Variants in NALCN observed in about 807,000 individuals in gnomAD.
NALCN encodes the protein sodium leak channel, non-selective, also known as sodium leak channel NALCN.
A neutral mutation model predicts 225.3 loss-of-function variants in NALCN; 111 were observed. That is an observed-to-expected ratio of 0.49 (90% confidence interval 0.42 to 0.58). The LOEUF (loss-of-function observed/expected upper bound fraction) is 0.58. Ranked by LOEUF, NALCN falls within the 20% of genes least tolerant of loss-of-function variation. The probability of loss-of-function intolerance (pLI) is 0.00; values close to 1 mark genes in which losing one functional copy is unlikely to be tolerated. For synonymous variants in NALCN, 764 were observed against 769.0 expected (o/e 0.99, Z 0.11); for missense variants, 1,378 against 2,202.4 (o/e 0.63, Z 7.49).
intron 13 of NALCN, among the ~76,000 whole-genome samples, chr13:101,204,829 T>C (rs779766209): frequency 1.3e-5 from 2 of 152,146 alleles, no homozygotes; most frequent in African/African-American, 2.4e-5. Flanking sequence ...TGAAATGATA[T>C]GAGAACAGGC....
intron 11 of NALCN, among the ~76,000 whole-genome samples, chr13:101,252,468 G>T (rs2140195921): frequency 6.6e-6 from 1 of 152,258 alleles, no homozygotes; most frequent in African/African-American, 2.4e-5. Flanking sequence ...TGAACAAAAA[G>T]CAAGTGAAGA....
chr13:101,132,663 T>C (rs1467850514), intron 17 of NALCN, among the ~76,000 whole-genome samples: 1 of 152,070 alleles, frequency 6.6e-6, no homozygotes, highest in Non-Finnish European at 1.5e-5. Context: ...CTCATAAAAA[T>C]TAAGTTGTCT....
In NALCN at chr13:101,174,114, TA is replaced by T. The variant is rs1257587704; in HGVS notation, c.1839+2185del. ...GGAACACTTTAACTTAGTTTAATAA[TA>T]TTTGCTATAATGAATTTCAGGTTCA... On this transcript the variant is annotated intron_variant, in intron 15 of 43. Coordinates refer to ENST00000251127, the MANE Select transcript of NALCN (RefSeq NM_052867.4). Among the ~76,000 whole-genome samples the T allele has an allele frequency of 2.6e-5, 4 of 152,298 alleles. No homozygotes were observed. The East Asian group carries it at 7.7e-4, about 29-fold the overall frequency.
chr13:101,211,983 GA>G (rs922429561), intron 13 of NALCN, among the ~76,000 whole-genome samples: 20 of 147,850 alleles, frequency 1.4e-4, no homozygotes, highest in African/African-American at 4.0e-4. Context: ...TATTCTCCAA[GA>G]AAAAAAAAAT....
At chr13:101,280,153 C>T (rs1396618935) in intron 10 of NALCN, among the ~76,000 whole-genome samples, 1 of 152,202 alleles carries the variant, frequency 6.6e-6, no homozygotes, top group Non-Finnish European at 1.5e-5. Context: ...CAGATAACTT[C>T]TTGGCCATCC....
intron 16 of NALCN, 118 bp from the exon 17 acceptor site, chr13:101,143,339 A>T: frequency 9.7e-7 from 1 of 1,029,670 alleles, no homozygotes; most frequent in Non-Finnish European, 1.3e-6. Context: ...GATCATAGAA[A>T]ACTAGATCAT....
intron 16 of NALCN, among the ~76,000 whole-genome samples, chr13:101,144,088 T>C (rs1401351966): frequency 6.6e-6 from 1 of 152,314 alleles, no homozygotes; most frequent in East Asian, 1.9e-4. Context: ...TTTTTAAAGC[T>C]AGTAACATAT....
At position 101,362,033 on chromosome 13, in the gene NALCN, G is replaced by C. The variant is rs572396653; in HGVS notation, c.644+14667C>G. On this transcript the variant is annotated intron_variant, in intron 6 of 43. Transcript: ENST00000251127. ...TATTAATATTATTATCATATGAAAG[G>C]CTGGTTTCTGGCACCTCAGGTGGTT... Among the ~76,000 whole-genome samples the C allele has an allele frequency of 3.9e-3, 596 of 151,798 alleles. 5 individuals are homozygous for C. Among genetic ancestry groups the C allele is most frequent in the African/African-American group, 0.013 (556 of 41,442 alleles).
intron 18 of NALCN, among the ~76,000 whole-genome samples, chr13:101,121,561 A>C (rs192191550): frequency 5.3e-4 from 80 of 152,238 alleles, no homozygotes; most frequent in African/African-American, 1.8e-3. Flanking sequence ...AACCTCTTGG[A>C]TAAGACTAAA....
chr13:101,055,656 G>T (rs2139372920), intron 43 of NALCN, among the ~76,000 whole-genome samples, 168 bp from the exon 44 acceptor site: 1 of 151,846 alleles, frequency 6.6e-6, no homozygotes, highest in East Asian at 2.0e-4. Flanking sequence ...GTTCACGATA[G>T]ATTTTTTTTT....
rs1372843684 is a variant in NALCN, at chr13:101,399,224, G to C, written c.-39-59C>G. 5 of 1,280,110 alleles carry C rather than the reference G, an allele frequency of 3.9e-6. No homozygotes were observed. The Admixed American group carries it at 1.0e-4, about 26-fold the overall frequency. The allele number at this position is 1,280,110 out of a possible 1,614,324, so 79.3% of individuals were successfully genotyped here. A position where few individuals can be genotyped will look rare whatever the true frequency, so the allele number is the denominator to read the frequency against. Reference sequence around the variant, plus strand: ...ACCATCTTGCCCTCATCAAAAAATTGAGTTCCCCACATATATCTACTTATT... The same window carrying C: ...ACCATCTTGCCCTCATCAAAAAATTCAGTTCCCCACATATATCTACTTATT... On this transcript the variant is annotated intron_variant, in intron 1 of 43. Transcript: ENST00000251127.
At position 101,310,941 on chromosome 13, in the gene NALCN, T is replaced by G. The variant is rs532373084; in HGVS notation, c.800-18575A>C. On this transcript the variant is annotated intron_variant, in intron 7 of 43. Transcript: ENST00000251127. ...TGGGGATGGCACTGAATCTGTAAAT[T>G]ACCATGGGCAGTGTGGCCATTTTCA... 6.9e-3 allele frequency among the ~76,000 whole-genome samples: 1,050 copies of G among 152,220 alleles called. 8 individuals are homozygous for G. Among genetic ancestry groups the G allele is most frequent in the Admixed American group, 0.011 (169 of 15,280 alleles).
intron 13 of NALCN, among the ~76,000 whole-genome samples, chr13:101,197,282 C>A (rs1009069645): frequency 6.6e-6 from 1 of 152,156 alleles, no homozygotes; most frequent in African/African-American, 2.4e-5. Context: ...TGTTCTCTCT[C>A]ATTCTCTTCT....
At position 101,209,212 on chromosome 13, in the gene NALCN, G is replaced by C. The variant is rs369572345; in HGVS notation, c.1627-17158C>G. ...ATCCATCTCTCCATTTTTCTTCAAG[G>C]CTCTTGTAAACTCTCACACATAAAA... On this transcript the variant is annotated intron_variant, in intron 13 of 43. Coordinates refer to ENST00000251127, the MANE Select transcript of NALCN (RefSeq NM_052867.4). Among the ~76,000 whole-genome samples the C allele has an allele frequency of 8.6e-5, 13 of 152,046 alleles. No individual in the cohort carries two copies. In the East Asian group the frequency reaches 2.5e-3, roughly 29 times the overall value.
In NALCN at chr13:101,345,676, T is replaced by TTCTATCTA. The variant is rs71676800; in HGVS notation, c.645-264_645-257dup. On this transcript the variant is annotated intron_variant, in intron 6 of 43. Transcript: ENST00000251127. ...CAAGACCTTGAGAGACCTTTGCTCTTTCTATCTATCTATCTATCTATCTAT... is the reference window on the plus strand; with the variant it reads ...CAAGACCTTGAGAGACCTTTGCTCTTTCTATCTATCTATCTATCTATCTATCTATCTAT... 0.013 allele frequency among the ~76,000 whole-genome samples: 1,655 copies of TTCTATCTA among 127,912 alleles called. 29 individuals carry two copies. The highest frequency in any genetic ancestry group is 0.035 in the African/African-American group (1,109 of 31,408). The allele number at this position is 127,912 out of a possible 152,430, so 83.9% of individuals were successfully genotyped here.
intron 16 of NALCN, 145 bp from the exon 17 acceptor site, chr13:101,143,366 T>G: frequency 6.8e-6 from 5 of 737,958 alleles, no homozygotes; most frequent in Non-Finnish European, 1.0e-5. Flanking sequence ...AATATTTCAT[T>G]AGCAACAGCT....
intron 41 of NALCN, among the ~76,000 whole-genome samples, chr13:101,061,404 C>G (rs1210245605): frequency 6.9e-6 from 1 of 144,268 alleles, no homozygotes; most frequent in Non-Finnish European, 1.5e-5. Flanking sequence ...TTTTTTGAGA[C>G]AGATTCTCAC....
intron 2 of NALCN, among the ~76,000 whole-genome samples, chr13:101,395,747 T>A (rs770699118): frequency 3.1e-4 from 47 of 152,194 alleles, no homozygotes; most frequent in Non-Finnish European, 1.6e-4. Context: ...TGTTTGTAAT[T>A]TAGTCACATA....
At chr13:101,058,306 C>T (rs1306250071) in intron 42 of NALCN, 5 of 424,204 alleles carry the variant, frequency 1.2e-5, no homozygotes, top group East Asian at 8.8e-5. Context: ...CCCACTGCTT[C>T]GTTCCCCTCC....
Sources: allele counts gnomAD v4.1 joint callset (sites outside exome capture counted in the v4.1 genomes callset), GRCh38; gene constraint gnomAD v4.1.1; transcripts MANE v1.5; gene names NCBI Gene and HGNC (gene_info 2026-07-23, HGNC 2026-07-21).